TEX11: variants seen among roughly 807,000 people sequenced by gnomAD.
TEX11 encodes the protein testis-expressed protein 11.
Under a neutral mutation model 84.4 loss-of-function variants are expected in TEX11, and 7 were observed. The observed-to-expected ratio is 0.08, with a 90% CI of 0.05 to 0.16. The LOEUF is 0.16. Ranked by LOEUF, TEX11 falls within the 10% of genes least tolerant of loss-of-function variation. The pLI, the probability that TEX11 is intolerant of heterozygous loss-of-function variation, is 1.00. For missense variants in TEX11, 551 were observed against 660.5 expected (o/e 0.83, Z 1.82); for synonymous variants, 264 against 222.8 (o/e 1.18, Z -1.64).
intron 2 of TEX11, among the ~76,000 whole-genome samples, chrX:70,892,162 A>G (rs927451002): frequency 6.4e-4 from 71 of 111,400 alleles, no homozygotes; most frequent in Non-Finnish European, 4.9e-4. Context: ...AAATAAATAA[A>G]TAAAAATAAA....
chrX:70,673,368 C>G (rs1603210492), intron 15 of TEX11: 2 of 111,401 alleles, frequency 1.8e-5, no homozygotes, highest in Non-Finnish European at 3.8e-5. Flanking sequence ...AGCAATCCTC[C>G]CGCCTCAGCC....
chrX:70,702,579 G>C (rs181888999), intron 13 of TEX11, among the ~76,000 whole-genome samples: 61 of 111,581 alleles, frequency 5.5e-4, no homozygotes, highest in South Asian at 1.1e-3. Flanking sequence ...CCTGCATATA[G>C]TTCTATGTCA....
At chrX:70,815,287 A>G (rs750058435) in intron 8 of TEX11, among the ~76,000 whole-genome samples, 1 of 111,972 alleles carries the variant, frequency 8.9e-6, no homozygotes, top group African/African-American at 3.2e-5. Context: ...AAAATATAAG[A>G]ATTTTCTAAC....
intron 8 of TEX11, among the ~76,000 whole-genome samples, chrX:70,817,992 T>C (rs1217154763): frequency 9.0e-6 from 1 of 110,753 alleles, no homozygotes; most frequent in Non-Finnish European, 1.9e-5. Flanking sequence ...TTAACAACTA[T>C]ATACAGGCAA....
At chrX:70,847,783 A>G (rs773836035) in intron 7 of TEX11, among the ~76,000 whole-genome samples, 1 of 111,189 alleles carries the variant, frequency 9.0e-6, no homozygotes, top group East Asian at 2.8e-4. Flanking sequence ...ACCTCAAATG[A>G]TCCTCCCACC....
chrX:70,839,088 C>G (rs2091424747), intron 7 of TEX11, among the ~76,000 whole-genome samples: 1 of 112,643 alleles, frequency 8.9e-6, no homozygotes, highest in Non-Finnish European at 1.9e-5. Flanking sequence ...AACAAAAAGA[C>G]AGCAGTAACC....
At chrX:70,793,029 T>C (rs949403678) in intron 9 of TEX11, among the ~76,000 whole-genome samples, 2 of 111,627 alleles carry the variant, frequency 1.8e-5, no homozygotes, top group African/African-American at 6.5e-5. Context: ...GGATACAAGA[T>C]TGGTTCAATA....
chrX:70,897,216 C>CAT (rs1289891372), intron 2 of TEX11, among the ~76,000 whole-genome samples: 26 of 34,619 alleles, frequency 7.5e-4, no homozygotes, highest in African/African-American at 1.5e-3. Flanking sequence ...ATATATATAA[C>CAT]ATATATATAT....
At chrX:70,515,065 T>A in the TEX11 span, among the ~76,000 whole-genome samples, 1 of 87,619 alleles carries the variant, frequency 1.1e-5, no homozygotes, top group Non-Finnish European at 2.1e-5. Context: ...TGAAACTCGG[T>A]CACACACACA....
chrX:70,730,686 T>C (rs1169622276), intron 11 of TEX11, among the ~76,000 whole-genome samples: 1 of 111,349 alleles, frequency 9.0e-6, no homozygotes, highest in East Asian at 2.8e-4. Context: ...AGACGTAGAC[T>C]CCCACACAAT....
rs139261379 is a variant in TEX11, at chrX:70,605,210, A to C, written c.2067+191T>G. Among the ~76,000 whole-genome samples, 222 of 111,941 alleles carry C rather than the reference A, an allele frequency of 2.0e-3. 2 individuals are homozygous for C. Among genetic ancestry groups the C allele is most frequent in the African/African-American group, 6.9e-3 (213 of 30,886 alleles). On this transcript the variant is annotated intron_variant, in intron 24 of 29. Transcript: ENST00000374333. ...AAAGAAGAGATATCTAATCTTCTTA[A>C]AAGAAGAGGCCACACCAAAAGTAAC...
chrX:70,788,955 TATATATATATATATATATAGAGAG>T (rs1487812825), intron 9 of TEX11, among the ~76,000 whole-genome samples: 1 of 41,867 alleles, frequency 2.4e-5, no homozygotes, highest in Admixed American at 3.1e-4. Flanking sequence ...TATATATATA[TATATATATATATATATATAGAGAG>T]AGAGAGAGAG....
intron 17 of TEX11, among the ~76,000 whole-genome samples, chrX:70,634,121 A>G (rs921769308): frequency 9.0e-6 from 1 of 111,654 alleles, no homozygotes; most frequent in Non-Finnish European, 1.9e-5. Context: ...ATGCCATTTA[A>G]AATAGCATAA....
At chrX:70,531,988 T>C (rs981057244) in intron 28 of TEX11, among the ~76,000 whole-genome samples, 9 of 111,439 alleles carry the variant, frequency 8.1e-5, no homozygotes, top group Admixed American at 6.7e-4. Context: ...GAAATAAGAC[T>C]GGAAATGTAG....
At chrX:70,904,505 G>A (rs2091819533) in intron 2 of TEX11, among the ~76,000 whole-genome samples, 1 of 112,151 alleles carries the variant, frequency 8.9e-6, no homozygotes, top group African/African-American at 3.2e-5. Context: ...CTTCAAAATT[G>A]TAAAATTTTA....
chrX:70,740,329 A>ATGAT (rs2090725100), intron 11 of TEX11, among the ~76,000 whole-genome samples: 1 of 111,418 alleles, frequency 9.0e-6, no homozygotes, highest in Non-Finnish European at 1.9e-5. Flanking sequence ...ATGTCCTCAC[A>ATGAT]TGATAAAAGG....
chrX:70,639,518 T>C (rs1485649192), intron 17 of TEX11, among the ~76,000 whole-genome samples: 1 of 112,260 alleles, frequency 8.9e-6, no homozygotes, highest in African/African-American at 3.2e-5. Context: ...TAACTGTCCC[T>C]GTCTGACAGC....
chrX:70,638,756 G>A (rs1251175552), intron 17 of TEX11, among the ~76,000 whole-genome samples: 3 of 98,786 alleles, frequency 3.0e-5, no homozygotes, highest in African/African-American at 1.1e-4. Context: ...AGCCAAGATG[G>A]CGCCACTGCA....
chrX:70,862,347 A>T (rs2091574766), intron 4 of TEX11, among the ~76,000 whole-genome samples: 1 of 112,026 alleles, frequency 8.9e-6, no homozygotes, highest in African/African-American at 3.2e-5. Context: ...CAAATAAATG[A>T]ACTAGTCACC....
Sources: allele counts gnomAD v4.1 joint callset (sites outside exome capture counted in the v4.1 genomes callset), GRCh38; gene constraint gnomAD v4.1.1; transcripts MANE v1.5; gene names NCBI Gene and HGNC (gene_info 2026-07-23, HGNC 2026-07-21).